PIEZO2: variants seen among roughly 807,000 people sequenced by gnomAD.
The protein encoded by PIEZO2 is piezo-type mechanosensitive ion channel component 2.
A neutral mutation model predicts 337.3 loss-of-function variants in PIEZO2; 172 were observed. That is an observed-to-expected ratio of 0.51 (90% confidence interval 0.45 to 0.58). PIEZO2 has a LOEUF of 0.58. PIEZO2 is among the 20% of genes least tolerant of loss of function. The pLI is 0.00. For synonymous variants in PIEZO2, 1,251 were observed against 1,228.5 expected (o/e 1.02, Z -0.38); for missense variants, 3,028 against 3,391.3 (o/e 0.89, Z 2.66).
chr18:10,678,027 T>A, intron 52 of PIEZO2, 152 bp from the exon 53 acceptor site: 1 of 727,018 alleles, frequency 1.4e-6, no homozygotes, highest in Non-Finnish European at 2.1e-6. Context: ...CTACTTCACC[T>A]CAATGCTCAG....
chr18:10,766,691 A>T lies in PIEZO2; in HGVS notation c.2946+3457T>A, dbSNP rs1415715135. 1.3e-5 allele frequency among the ~76,000 whole-genome samples: 2 copies of T among 151,864 alleles called. No homozygotes were observed. The highest frequency in any genetic ancestry group is 2.9e-5 in the Non-Finnish European group (2 of 67,952). On this transcript the variant is annotated intron_variant, in intron 21 of 55. Transcript: ENST00000674853. This position sits in a 1 kb window ranked among gnomAD's most constrained non-coding sequence, Gnocchi z 6.1. ...CAGGCTGCAACCGCCTGCAAGAGAT[A>T]CTCCTCCCTGTGCAGCAAGTGCTCA...
At chr18:10,956,736 C>T (rs1351423337) in intron 3 of PIEZO2, among the ~76,000 whole-genome samples, 5 of 151,520 alleles carry the variant, frequency 3.3e-5, no homozygotes, top group African/African-American at 7.3e-5. Context: ...TCTGGGAGGC[C>T]GAGGCGAGTG....
intron 1 of PIEZO2, among the ~76,000 whole-genome samples, chr18:11,100,661 T>TGA (rs2039386119): frequency 6.6e-6 from 1 of 152,062 alleles, no homozygotes; most frequent in African/African-American, 2.4e-5. Flanking sequence ...AGTGGCACAG[T>TGA]TTTGGCTCAC....
intron 3 of PIEZO2, among the ~76,000 whole-genome samples, chr18:10,974,489 G>A (rs264233): frequency 0.5 from 76,244 of 151,992 alleles, 19,204 homozygotes; most frequent in Middle Eastern, 0.54. Flanking sequence ...GCAAGGGAAA[G>A]TCATGGACTA....
At chr18:10,787,645 C>T (rs149687019) in intron 15 of PIEZO2, among the ~76,000 whole-genome samples, 52 of 152,240 alleles carry the variant, frequency 3.4e-4, no homozygotes, top group African/African-American at 1.1e-3. Flanking sequence ...CTCGTTTTAC[C>T]GTAAGCTGTG....
rs573372463 is a variant in PIEZO2, at chr18:10,973,722, G to A, written c.286+5813C>T. ...TTAGGGAATGGAAAGAGAAGGGGAC[G>A]GGGCAAGGTGAGGAACCCAAGCCTC... On this transcript the variant is annotated intron_variant, in intron 3 of 55. Coordinates refer to ENST00000674853, the MANE Select transcript of PIEZO2 (RefSeq NM_001378183.1). The surrounding 1 kb of genome is among the most constrained non-coding windows in gnomAD (Gnocchi z 4.9). Among the ~76,000 whole-genome samples the A allele has an allele frequency of 2.4e-4, 36 of 152,242 alleles. No individual in the cohort carries two copies. Among genetic ancestry groups the A allele is most frequent in the Admixed American group, 1.0e-3 (16 of 15,286 alleles).
chr18:11,090,949 T>C (rs57847453), intron 1 of PIEZO2, among the ~76,000 whole-genome samples: 15,489 of 149,680 alleles, frequency 0.1, 2,653 homozygotes, highest in African/African-American at 0.36. Flanking sequence ...GTGGGGCACA[T>C]TGCTCTTTAA....
At chr18:11,022,510 G>A in intron 2 of PIEZO2, among the ~76,000 whole-genome samples, 1 of 152,146 alleles carries the variant, frequency 6.6e-6, no homozygotes, top group Non-Finnish European at 1.5e-5. Flanking sequence ...TTCTCCTGGG[G>A]CCTCTCTCCT....
chr18:10,736,473 C>T lies in PIEZO2; in HGVS notation c.4815+131G>A, dbSNP rs1598416011. ...CAATTTAATTAGAAATAAAGAATTG[C>T]AGATGTAAATCAGAAGCTTCGGGGA... On this transcript the variant is annotated intron_variant, in intron 34 of 55. Coordinates refer to ENST00000674853, the MANE Select transcript of PIEZO2 (RefSeq NM_001378183.1). 8.8e-6 allele frequency: 11 copies of T among 1,257,086 alleles called. No individual in the cohort carries two copies. The East Asian group carries it at 2.1e-4, about 23-fold the overall frequency. 77.9% of individuals were successfully genotyped at this position (1,257,086 alleles called of 1,614,324 possible). A position where few individuals can be genotyped will look rare whatever the true frequency, so the allele number is the denominator to read the frequency against.
At position 10,943,416 on chromosome 18, in the gene PIEZO2, C is replaced by A. The variant is rs2032827994; in HGVS notation, c.287-32188G>T. On this transcript the variant is annotated intron_variant, in intron 3 of 55. Transcript: ENST00000674853. This position sits in a 1 kb window ranked among gnomAD's most constrained non-coding sequence, Gnocchi z 4.5. ...GCATCAGTGTGACCTGGATGTGAGACATCGAGTCACAGGAGACCATTTCGG... is the reference window on the plus strand; with the variant it reads ...GCATCAGTGTGACCTGGATGTGAGAAATCGAGTCACAGGAGACCATTTCGG... 6.6e-6 allele frequency among the ~76,000 whole-genome samples: 1 copy of A among 152,234 alleles called. No individual in the cohort carries two copies. Among genetic ancestry groups the A allele is most frequent in the Non-Finnish European group, 1.5e-5 (1 of 68,034 alleles).
intron 52 of PIEZO2, 131 bp from the exon 53 acceptor site, chr18:10,678,006 A>C: frequency 1.2e-6 from 1 of 857,944 alleles, no homozygotes; most frequent in Non-Finnish European, 1.7e-6. Context: ...GTCAATCCTG[A>C]CCCTTTCAGT....
chr18:10,755,044 A>G (rs1053841903), intron 27 of PIEZO2, among the ~76,000 whole-genome samples: 9 of 152,210 alleles, frequency 5.9e-5, no homozygotes, highest in Non-Finnish European at 1.2e-4. Context: ...TGGTATATGC[A>G]TTGGTATATG....
intron 41 of PIEZO2, 32 bp from the exon 42 acceptor site, chr18:10,704,684 A>G (rs533638720): frequency 3.5e-4 from 527 of 1,521,300 alleles, no homozygotes; most frequent in Non-Finnish European, 4.5e-4. Context: ...TAATATGTCT[A>G]TTTTTTTTCT....
intron 42 of PIEZO2, among the ~76,000 whole-genome samples, chr18:10,703,674 C>T (rs1039684043): frequency 4.6e-5 from 7 of 151,734 alleles, no homozygotes; most frequent in South Asian, 2.1e-4. Context: ...CCAAGAATAT[C>T]GAGCTTTTTT....
chr18:11,081,322 A>G (rs992239856), intron 1 of PIEZO2, among the ~76,000 whole-genome samples: 4 of 152,226 alleles, frequency 2.6e-5, no homozygotes, highest in African/African-American at 9.6e-5. Context: ...GGAAAAATAC[A>G]CTTTCCAATG....
intron 7 of PIEZO2, among the ~76,000 whole-genome samples, chr18:10,835,624 G>T (rs1002730568): frequency 8.0e-5 from 12 of 150,892 alleles, no homozygotes; most frequent in Admixed American, 3.3e-4. Context: ...GTTCACTGCT[G>T]CCTCTGTCTC....
rs773476471 is a variant in PIEZO2, at chr18:10,689,664, C to A, written c.7488G>T (p.Glu2496Asp). 6.2e-7 allele frequency: 1 copy of A among 1,614,230 alleles called. No homozygotes were observed. The highest frequency in any genetic ancestry group is 1.1e-5 in the South Asian group (1 of 91,088). Reference sequence around the variant, plus strand: ...TCTCCTGGCTTCTTACCTTCTCCGACTCCCGCCAACACTTCAGGATGAATA... The same window carrying A: ...TCTCCTGGCTTCTTACCTTCTCCGAATCCCGCCAACACTTCAGGATGAATA... ...AHIFILKCWR[E>D]SEKRYPQPRG... The change falls in exon 49 of 56, where the codon GAG becomes GAT. Residue 2496 changes from glutamate (E) to aspartate (D), a missense_variant. By Grantham distance (45) the Glu-to-Asp change is conservative. Transcript: ENST00000674853.
Position 10,962,323 on chromosome 18 carries a change from T to G in PIEZO2, c.286+17212A>C, listed in dbSNP as rs113536984. On this transcript the variant is annotated intron_variant, in intron 3 of 55. Transcript: ENST00000674853. This position sits in a 1 kb window ranked among gnomAD's most constrained non-coding sequence, Gnocchi z 4.1. ...TCCGCTTGCCTGCAGCTTTTCCTGG[T>G]CACTCACGGCCCTCCCTCGGCTCCC... 0.019 allele frequency among the ~76,000 whole-genome samples: 2,823 copies of G among 152,282 alleles called. 102 individuals carry two copies. Among genetic ancestry groups the G allele is most frequent in the African/African-American group, 0.064 (2,645 of 41,554 alleles).
At chr18:10,791,135 T>TG in intron 14 of PIEZO2, 66 bp downstream of exon 14, 1 of 1,419,864 alleles carries the variant, frequency 7.0e-7, no homozygotes, top group Non-Finnish European at 9.3e-7. Context: ...TGATGTATTT[T>TG]GGGGCTCTTT....
Sources: allele counts gnomAD v4.1 joint callset (sites outside exome capture counted in the v4.1 genomes callset), GRCh38; gene constraint gnomAD v4.1.1; non-coding constraint Gnocchi (gnomAD v3.1); transcripts MANE v1.5; gene names NCBI Gene and HGNC (gene_info 2026-07-23, HGNC 2026-07-21).